Variants in LCTL observed in about 807,000 individuals in gnomAD.
LCTL encodes lactase-like protein.
A neutral mutation model predicts 75.8 loss-of-function variants in LCTL; 76 were observed. The observed-to-expected ratio is 1.00, with a 90% CI of 0.83 to 1.21. The LOEUF (loss-of-function observed/expected upper bound fraction) is 1.21, where lower values mean the gene tolerates loss of function less well. Among genes scored for constraint, LCTL ranks in the 50% most tolerant of loss-of-function variants. The pLI, the probability that LCTL is intolerant of heterozygous loss-of-function variation, is 0.00. For synonymous variants in LCTL, 271 were observed against 268.8 expected (o/e 1.01, Z -0.08); for missense variants, 670 against 712.4 (o/e 0.94, Z 0.68).
intron 2 of LCTL, chr15:66,564,244 A>T: frequency 1.8e-6 from 1 of 554,526 alleles, no homozygotes; most frequent in Non-Finnish European, 3.2e-6. Flanking sequence ...GCCCCTAGTA[A>T]ACCTGGGTGA....
At chr15:66,558,485 C>G (rs939342451) in intron 6 of LCTL, among the ~76,000 whole-genome samples, 4 of 152,122 alleles carry the variant, frequency 2.6e-5, no homozygotes, top group African/African-American at 2.4e-5. Flanking sequence ...AGCTAGCCAC[C>G]GCGCTTGGGT....
intron 8 of LCTL, among the ~76,000 whole-genome samples, chr15:66,556,879 C>G (rs1019601990): frequency 6.6e-6 from 1 of 152,022 alleles, no homozygotes. Flanking sequence ...TACCACTGAA[C>G]TGTACACTTA....
exon 11 of LCTL, chr15:66,551,667 T>C (rs767009236): frequency 1.9e-6 from 3 of 1,613,440 alleles, no homozygotes; most frequent in Non-Finnish European, 8.5e-7. Flanking sequence ...CCTACCTCTC[T>C]TGGATTGGGA....
At chr15:66,549,549 T>G (rs2140828864) in intron 12 of LCTL, 1 of 152,470 alleles carries the variant, frequency 6.6e-6, no homozygotes, top group South Asian at 2.1e-4. Context: ...TCTGATCCTT[T>G]TAGACCCCAT....
chr15:66,558,639 C>A (rs1320698151), intron 6 of LCTL, among the ~76,000 whole-genome samples: 3 of 151,004 alleles, frequency 2.0e-5, no homozygotes. Context: ...GAATCAGAAA[C>A]TCAAAGCGGG....
chr15:66,561,011 T>C (rs1308991726), exon 6 of LCTL: 5 of 1,613,918 alleles, frequency 3.1e-6, no homozygotes, highest in Non-Finnish European at 4.2e-6. Context: ...CTCACCTTAA[T>C]GATGTGGTGT....
chr15:66,552,231 T>G, intron 9 of LCTL, 62 bp from the exon 11 acceptor site: 1 of 1,428,358 alleles, frequency 7.0e-7, no homozygotes, highest in Non-Finnish European at 9.6e-7. Flanking sequence ...GGTTTCTGAG[T>G]CAGAGGCTCA....
intron 12 of LCTL, 30 bp downstream of exon 13, chr15:66,550,011 A>T (rs772904672): frequency 1.7e-5 from 25 of 1,473,550 alleles, no homozygotes; most frequent in African/African-American, 4.3e-5. Context: ...TTTAATTATT[A>T]AAGGAAAACA....
chr15:66,565,264 A>G, exon 1 of LCTL: 1 of 1,611,122 alleles, frequency 6.2e-7, no homozygotes. Context: ...GGAAGGTTCC[A>G]TAGTAGAAGG....
rs556525787 is a variant in LCTL, at chr15:66,550,021, A to T, written c.1588+20T>A. The T allele has an allele frequency of 2.6e-6, 4 of 1,534,786 alleles. No individual in the cohort carries two copies. In the South Asian group the frequency reaches 5.0e-5, roughly 19 times the overall value. ...TTTAGTTTAATTATTAAAGGAAAACATTGAAATATACTGACTCACCTGCAG... is the reference window on the plus strand; with the variant it reads ...TTTAGTTTAATTATTAAAGGAAAACTTTGAAATATACTGACTCACCTGCAG... On this transcript the variant is annotated intron_variant, in intron 12 of 12. Transcript: ENST00000341509.
At position 66,557,964 on chromosome 15, in the gene LCTL, T is replaced by C. The variant is rs1400243369; in HGVS notation, c.760+18A>G. 1 of 1,606,666 alleles carries C rather than the reference T, an allele frequency of 6.2e-7. No individual in the cohort carries two copies. Among genetic ancestry groups the C allele is most frequent in the Non-Finnish European group, 8.5e-7 (1 of 1,174,324 alleles). Reference sequence around the variant, plus strand: ...GGCACTTGGCTGTCCTGGGTACATGTGTGGGGCCACAGCTCACCTTGCTGC... The same window carrying C: ...GGCACTTGGCTGTCCTGGGTACATGCGTGGGGCCACAGCTCACCTTGCTGC... On this transcript the variant is annotated intron_variant, in intron 7 of 12. Transcript: ENST00000341509.
intron 2 of LCTL, 128 bp from the exon 4 acceptor site, chr15:66,564,126 C>T: frequency 2.9e-6 from 2 of 678,562 alleles, no homozygotes; most frequent in South Asian, 1.7e-5. Context: ...AACCTGCTTC[C>T]TCACCTGTAC....
At chr15:66,548,695 G>A (rs11071898) in intron 12 of LCTL, 90 bp from the exon 14 acceptor site, 38,282 of 557,720 alleles carry the variant, frequency 0.069, 1,552 homozygotes, top group Middle Eastern at 0.13. Flanking sequence ...ACTGTATTGG[G>A]AAAACTTAAA....
intron 11 of LCTL, among the ~76,000 whole-genome samples, chr15:66,550,638 T>A (rs965593855): frequency 6.6e-6 from 1 of 151,664 alleles, no homozygotes; most frequent in African/African-American, 2.4e-5. Flanking sequence ...CATCACCACA[T>A]CCAGCTGATT....
At chr15:66,558,932 G>T (rs1895813160) in intron 6 of LCTL, among the ~76,000 whole-genome samples, 1 of 151,722 alleles carries the variant, frequency 6.6e-6, no homozygotes, top group Non-Finnish European at 1.5e-5. Flanking sequence ...CAGACCTCAA[G>T]CAATCTGCCC....
exon 2 of LCTL, chr15:66,564,839 C>A (rs897684110): frequency 2.3e-5 from 37 of 1,610,516 alleles, no homozygotes; most frequent in Non-Finnish European, 3.0e-5. Flanking sequence ...CCAGGAGAAG[C>A]CTGCAGGGGG....
chr15:66,559,859 A>G (rs1428313360), intron 6 of LCTL, among the ~76,000 whole-genome samples: 1 of 151,522 alleles, frequency 6.6e-6, no homozygotes, highest in Admixed American at 6.6e-5. Flanking sequence ...TGCCGAGGTA[A>G]GGGAATCACC....
intron 4 of LCTL, among the ~76,000 whole-genome samples, chr15:66,561,530 C>G (rs1895889368): frequency 1.3e-5 from 2 of 152,162 alleles, no homozygotes; most frequent in Non-Finnish European, 1.5e-5. Context: ...GATCTAAGTT[C>G]TGGAGAAATG....
At chr15:66,560,161 A>G in intron 6 of LCTL, among the ~76,000 whole-genome samples, 1 of 152,186 alleles carries the variant, frequency 6.6e-6, no homozygotes, top group East Asian at 1.9e-4. Context: ...ATGTAGAAAA[A>G]ATGAGAAAAT....
Sources: gnomAD v4.1 joint callset for allele counts (sites outside exome capture counted in the v4.1 genomes callset) on GRCh38, gnomAD v4.1.1 for gene constraint, MANE v1.5 for transcripts, NCBI Gene and HGNC (gene_info 2026-07-23, HGNC 2026-07-21) for gene names.